Variants in PHLPP2 observed in about 807,000 individuals in gnomAD.
The protein encoded by PHLPP2 is PH domain and leucine rich repeat protein phosphatase 2.
A neutral mutation model predicts 124.9 loss-of-function variants in PHLPP2; 66 were observed. The observed-to-expected ratio is 0.53, with a 90% CI of 0.43 to 0.65. PHLPP2 has a LOEUF of 0.65. Among genes scored for constraint, PHLPP2 ranks in the 30% least tolerant of loss-of-function variants. PHLPP2 has a pLI of 0.00. For missense variants in PHLPP2, 1,685 were observed against 1,600.4 expected (o/e 1.05, Z -0.90); for synonymous variants, 681 against 624.7 (o/e 1.09, Z -1.34).
chr16:71,665,745 T>A (rs2044833739), intron 12 of PHLPP2, among the ~76,000 whole-genome samples: 1 of 152,190 alleles, frequency 6.6e-6, no homozygotes, highest in Non-Finnish European at 1.5e-5. Flanking sequence ...ACTAATTTCA[T>A]TCAGACTACC....
intron 4 of PHLPP2, among the ~76,000 whole-genome samples, chr16:71,687,129 G>T (rs4788827): frequency 0.34 from 52,060 of 151,928 alleles, 9,736 homozygotes; most frequent in East Asian, 0.76. Context: ...GTGGTGTGCC[G>T]TATCTCACTA....
Position 71,649,432 on chromosome 16 carries a change from C to T in PHLPP2, c.3430G>A (p.Asp1144Asn), listed in dbSNP as rs1412366867. The change falls in exon 19 of 19, where the codon GAC becomes AAC. Residue 1144 changes from aspartate to asparagine, a missense_variant. Physicochemically the swap from Asp to Asn is conservative, Grantham distance 23. Coordinates refer to ENST00000568954, the MANE Select transcript of PHLPP2 (RefSeq NM_015020.3). ...TCATCATCACTGTCCAGGCCGTTGT[C>T]AGACTGGTTACTGGAGAAGGTAGCA... Reference protein sequence around the residue: ...SSATFSSNQSDNGLDSDDDQP... With the variant: ...SSATFSSNQSNNGLDSDDDQP... 3 of 1,613,990 alleles carry T rather than the reference C, an allele frequency of 1.9e-6. No homozygotes were observed. The highest frequency in any genetic ancestry group is 2.5e-6 in the Non-Finnish European group (3 of 1,180,016).
intron 2 of PHLPP2, among the ~76,000 whole-genome samples, chr16:71,708,558 G>C (rs186163652): frequency 6.6e-6 from 1 of 152,064 alleles, no homozygotes; most frequent in Non-Finnish European, 1.5e-5. Context: ...TGGTCTCTTC[G>C]CACGGATGTC....
chr16:71,701,265 CATCTATCTATCTATCTATCT>C (rs61251526), intron 3 of PHLPP2, among the ~76,000 whole-genome samples: 275 of 149,980 alleles, frequency 1.8e-3, no homozygotes, highest in African/African-American at 4.9e-3. Context: ...ATAACTAATT[CATCTATCTATCTATCTATCT>C]ATCTATCTAT....
intron 17 of PHLPP2, chr16:71,655,017 G>GGATT: frequency 4.1e-6 from 2 of 487,978 alleles, no homozygotes; most frequent in Admixed American, 3.3e-5. Flanking sequence ...CAGATCCTCA[G>GGATT]CAGCCTTTGG....
intron 2 of PHLPP2, among the ~76,000 whole-genome samples, chr16:71,705,833 G>C (rs1004430014): frequency 1.3e-5 from 2 of 152,192 alleles, no homozygotes; most frequent in African/African-American, 4.8e-5. Context: ...TCTACCGTAA[G>C]AAAGTATTTT....
intron 3 of PHLPP2, among the ~76,000 whole-genome samples, chr16:71,695,221 C>T (rs184900823): frequency 5.3e-5 from 8 of 152,142 alleles, no homozygotes; most frequent in Admixed American, 1.3e-4. Context: ...ATATTTTAAA[C>T]GTGAGTAACC....
rs1373719634 is a variant in PHLPP2, at chr16:71,648,991, C to G, written c.3871G>C (p.Val1291Leu). ...TGGTGCTGTTTCATTTGTTCCTTCA[C>G]TTCTTCTTCCAGGTCATGAGGCACA... ...FVVPHDLEEE[V>L]KEQMKQHQDS... Residue 1291 changes from valine to leucine, a missense_variant, in exon 19 of 19, where the codon GTG becomes CTG. Transcript: ENST00000568954. 6.2e-7 allele frequency: 1 copy of G among 1,614,052 alleles called. No individual in the cohort carries two copies. The highest frequency in any genetic ancestry group is 1.1e-5 in the South Asian group (1 of 91,084).
chr16:71,661,067 CTT>C (rs34708544), intron 13 of PHLPP2, among the ~76,000 whole-genome samples: 132 of 132,248 alleles, frequency 1.0e-3, no homozygotes, highest in Admixed American at 1.2e-3. Context: ...TTGTCTTTGT[CTT>C]TTTTTTTTTT....
intron 1 of PHLPP2, among the ~76,000 whole-genome samples, chr16:71,721,907 C>T (rs1248097112): frequency 2.0e-5 from 3 of 152,116 alleles, no homozygotes; most frequent in South Asian, 2.1e-4. Context: ...TCTAGTCTGG[C>T]TAAGTTAGAC....
intron 2 of PHLPP2, 111 bp downstream of exon 2, chr16:71,714,401 C>T (rs761422390): frequency 1.0e-5 from 14 of 1,369,474 alleles, no homozygotes; most frequent in East Asian, 2.6e-5. Flanking sequence ...CCAGTGAGTC[C>T]GTAATCAACA....
intron 1 of PHLPP2, among the ~76,000 whole-genome samples, chr16:71,719,261 G>A (rs994983992): frequency 5.3e-5 from 8 of 152,196 alleles, no homozygotes; most frequent in African/African-American, 1.7e-4. Flanking sequence ...CTAGCCGGGC[G>A]CAGTGGCTCA....
At chr16:71,653,107 T>C in intron 17 of PHLPP2, 86 bp from the exon 18 acceptor site, 1 of 781,100 alleles carries the variant, frequency 1.3e-6, no homozygotes. Flanking sequence ...TTCTTTTTTT[T>C]TTTTTTTTTT....
chr16:71,711,860 G>A (rs921886524), intron 2 of PHLPP2, among the ~76,000 whole-genome samples: 2 of 152,190 alleles, frequency 1.3e-5, no homozygotes, highest in African/African-American at 4.8e-5. Context: ...ACAAGTAACA[G>A]CTGAGTAACA....
chr16:71,709,765 C>T (rs893939197), intron 2 of PHLPP2, among the ~76,000 whole-genome samples: 14 of 152,212 alleles, frequency 9.2e-5, no homozygotes, highest in African/African-American at 3.1e-4. Flanking sequence ...TCAGTGATTC[C>T]TAATGGGGAA....
At position 71,656,563 on chromosome 16, in the gene PHLPP2, A is replaced by T; in HGVS notation, c.2390+8T>A. ...TTCTTTCTCAGTCTCCATGGCCAAT[A>T]TACTCACTTATTTCTCTGCCCTGCC... On this transcript the variant is annotated splice_region_variant and intron_variant, in intron 16 of 18. Transcript: ENST00000568954. 1 of 1,544,018 alleles carries T rather than the reference A, an allele frequency of 6.5e-7. No individual in the cohort carries two copies. The highest frequency in any genetic ancestry group is 9.0e-7 in the Non-Finnish European group (1 of 1,116,442).
chr16:71,712,511 A>C (rs1306433126), intron 2 of PHLPP2, among the ~76,000 whole-genome samples: 1 of 152,224 alleles, frequency 6.6e-6, no homozygotes, highest in Non-Finnish European at 1.5e-5. Flanking sequence ...TACACCATAT[A>C]CTTAAATAAG....
intron 1 of PHLPP2, among the ~76,000 whole-genome samples, chr16:71,716,424 T>C (rs2045363374): frequency 6.6e-6 from 1 of 152,216 alleles, no homozygotes; most frequent in Non-Finnish European, 1.5e-5. Context: ...ATTTGATAAT[T>C]TAGGTATGTG....
At chr16:71,690,740 C>T (rs558768545) in intron 3 of PHLPP2, 31 bp from the exon 4 acceptor site, 4 of 1,449,222 alleles carry the variant, frequency 2.8e-6, no homozygotes, top group Non-Finnish European at 3.8e-6. Flanking sequence ...CAGAATCCAC[C>T]ATTAAAGTAG....
Sources: gnomAD v4.1 joint callset for allele counts (sites outside exome capture counted in the v4.1 genomes callset) on GRCh38, gnomAD v4.1.1 for gene constraint, MANE v1.5 for transcripts, NCBI Gene and HGNC (gene_info 2026-07-23, HGNC 2026-07-21) for gene names.